Variants in ROBO1 observed in about 807,000 individuals in gnomAD.
The protein encoded by ROBO1 is roundabout homolog 1.
In ROBO1, 149 loss-of-function variants were observed where a neutral mutation model predicts 195.9. That is an observed-to-expected ratio of 0.76 (90% CI 0.67 to 0.87). ROBO1 has a LOEUF of 0.87. ROBO1 is among the 40% of genes least tolerant of loss of function. The probability of loss-of-function intolerance (pLI) is 0.00; values close to 1 mark genes in which losing one functional copy is unlikely to be tolerated. For synonymous variants in ROBO1, 816 were observed against 733.2 expected (o/e 1.11, Z -1.82); for missense variants, 1,933 against 2,068.3 (o/e 0.93, Z 1.27).
At chr3:78,670,031 C>A in intron 11 of ROBO1, 65 bp downstream of exon 11, 2 of 1,264,742 alleles carry the variant, frequency 1.6e-6, no homozygotes, top group Admixed American at 2.4e-5. Context: ...AATTTCAATG[C>A]CAGTTGTTGG....
At chr3:79,211,852 T>C (rs1240488521) in intron 2 of ROBO1, among the ~76,000 whole-genome samples, 1 of 152,026 alleles carries the variant, frequency 6.6e-6, no homozygotes, top group Non-Finnish European at 1.5e-5. Flanking sequence ...CACACAGAAA[T>C]ATAGCGGTGT....
chr3:79,160,234 A>ATGTGTGTGTGTG (rs142663481), intron 2 of ROBO1, among the ~76,000 whole-genome samples: 2 of 148,292 alleles, frequency 1.3e-5, no homozygotes, highest in African/African-American at 4.9e-5. Flanking sequence ...CTTTAAAAAA[A>ATGTGTGTGTGTG]TGTGTGTGTG....
At chr3:79,014,802 AT>A (rs546098255) in intron 3 of ROBO1, among the ~76,000 whole-genome samples, 8 of 152,296 alleles carry the variant, frequency 5.3e-5, no homozygotes, top group South Asian at 2.1e-4. Context: ...AAAATTAAAC[AT>A]TTTTTTAAAG....
intron 2 of ROBO1, among the ~76,000 whole-genome samples, chr3:79,377,272 G>T (rs530129553): frequency 2.6e-5 from 4 of 152,210 alleles, no homozygotes; most frequent in African/African-American, 9.6e-5. Flanking sequence ...GTATTAAAAA[G>T]TTCATTATTC....
intron 1 of ROBO1, among the ~76,000 whole-genome samples, chr3:79,725,303 T>G (rs1236394933): frequency 4.3e-5 from 6 of 139,508 alleles, no homozygotes; most frequent in African/African-American, 1.6e-4. Flanking sequence ...CTCGGCTCAC[T>G]GCAAGCTCCG....
chr3:79,729,433 A>G (rs1703055747), intron 1 of ROBO1, among the ~76,000 whole-genome samples: 1 of 152,162 alleles, frequency 6.6e-6, no homozygotes, highest in South Asian at 2.1e-4. Context: ...GGAAAACTGA[A>G]TCATAATTAA....
intron 1 of ROBO1, among the ~76,000 whole-genome samples, chr3:79,672,891 A>G (rs1041470292): frequency 1.3e-5 from 2 of 152,004 alleles, no homozygotes; most frequent in African/African-American, 4.8e-5. Context: ...ATTCAACAGC[A>G]TGTGGATGCC....
At chr3:79,560,366 C>T (rs1314204154) in intron 2 of ROBO1, among the ~76,000 whole-genome samples, 2 of 106,068 alleles carry the variant, frequency 1.9e-5, no homozygotes, top group Non-Finnish European at 3.4e-5. Flanking sequence ...GGGAACATCA[C>T]ACTCTGGGGA....
chr3:78,898,152 T>C (rs2037352381), intron 4 of ROBO1, among the ~76,000 whole-genome samples: 1 of 149,582 alleles, frequency 6.7e-6, no homozygotes, highest in African/African-American at 2.4e-5. Flanking sequence ...TATATATATA[T>C]ATATGTTGAT....
intron 2 of ROBO1, among the ~76,000 whole-genome samples, chr3:79,249,298 G>A (rs1454561304): frequency 3.3e-5 from 5 of 152,116 alleles, no homozygotes; most frequent in African/African-American, 9.7e-5. Flanking sequence ...AGAGGACTAC[G>A]TTTCCTGACT....
intron 3 of ROBO1, among the ~76,000 whole-genome samples, chr3:78,993,991 A>T (rs969519404): frequency 7.2e-6 from 1 of 139,370 alleles, no homozygotes; most frequent in Non-Finnish European, 1.5e-5. Context: ...TACCAGCTTT[A>T]AAAAAAAAAA....
chr3:79,290,544 T>A (rs1043204546), intron 2 of ROBO1, among the ~76,000 whole-genome samples: 1 of 152,152 alleles, frequency 6.6e-6, no homozygotes, highest in African/African-American at 2.4e-5. Flanking sequence ...CTATCCAGTG[T>A]TAAAGCTCTC....
At chr3:78,982,031 G>A (rs2107992381) in intron 3 of ROBO1, among the ~76,000 whole-genome samples, 1 of 152,250 alleles carries the variant, frequency 6.6e-6, no homozygotes, top group African/African-American at 2.4e-5. Context: ...GCAGCTCCCA[G>A]AGGTTACCTG....
intron 3 of ROBO1, among the ~76,000 whole-genome samples, chr3:79,124,281 G>A (rs945782583): frequency 6.6e-6 from 1 of 151,962 alleles, no homozygotes; most frequent in Non-Finnish European, 1.5e-5. Flanking sequence ...ATGCAAATGA[G>A]TTATTTATAA....
chr3:79,014,846 CT>C (rs2077883395), intron 3 of ROBO1, among the ~76,000 whole-genome samples: 1 of 152,182 alleles, frequency 6.6e-6, no homozygotes, highest in Non-Finnish European at 1.5e-5. Flanking sequence ...ACCTTAACAT[CT>C]TTTATTAACA....
At chr3:78,966,983 T>C (rs573101385) in intron 3 of ROBO1, among the ~76,000 whole-genome samples, 14 of 152,322 alleles carry the variant, frequency 9.2e-5, no homozygotes, top group African/African-American at 3.1e-4. Flanking sequence ...GAAATAAAAC[T>C]GGAATGAAAA....
At chr3:79,327,360 T>C (rs756830336) in intron 2 of ROBO1, among the ~76,000 whole-genome samples, 25 of 152,054 alleles carry the variant, frequency 1.6e-4, no homozygotes, top group Admixed American at 5.2e-4. Flanking sequence ...ACTGGCTGAA[T>C]ATAAATTTAT....
intron 1 of ROBO1, among the ~76,000 whole-genome samples, chr3:79,696,412 A>G (rs896337899): frequency 2.0e-5 from 3 of 150,006 alleles, no homozygotes; most frequent in Non-Finnish European, 4.5e-5. Context: ...TTGATCTATA[A>G]CTTGGCATAA....
At chr3:79,351,329 T>A (rs564911559) in intron 2 of ROBO1, among the ~76,000 whole-genome samples, 5 of 152,304 alleles carry the variant, frequency 3.3e-5, no homozygotes, top group African/African-American at 9.6e-5. Flanking sequence ...ATAGCTCAAC[T>A]TCATGCTGAA....
Sources: gnomAD v4.1 joint callset for allele counts (sites outside exome capture counted in the v4.1 genomes callset) on GRCh38, gnomAD v4.1.1 for gene constraint, MANE v1.5 for transcripts, NCBI Gene and HGNC (gene_info 2026-07-23, HGNC 2026-07-21) for gene names.